The following UGT1A3 variants were observed in gnomAD, a reference collection of about 807,000 sequenced individuals.
UGT1A3 encodes UDP glucuronosyltransferase family 1 member A3.
In UGT1A3, 31 loss-of-function variants were observed where a neutral mutation model predicts 41.0. The observed-to-expected ratio is 0.76, with a 90% CI of 0.57 to 1.02. The LOEUF is 1.02. UGT1A3 is among the 50% of genes least tolerant of loss of function. UGT1A3 has a pLI of 0.00. For missense variants in UGT1A3, 737 were observed against 671.0 expected (o/e 1.10, Z -1.09); for synonymous variants, 262 against 257.6 (o/e 1.02, Z -0.17).
intron 1 of UGT1A3, among the ~76,000 whole-genome samples, chr2:233,744,817 A>G (rs1304703196): frequency 6.6e-6 from 1 of 151,914 alleles, no homozygotes; most frequent in East Asian, 1.9e-4. Flanking sequence ...TTCCTGGCTC[A>G]TACTTTGAGA....
intron 1 of UGT1A3, chr2:233,743,214 G>T (rs1433363859): frequency 4.9e-6 from 2 of 406,726 alleles, no homozygotes; most frequent in Non-Finnish European, 9.7e-6. Context: ...CGGAGTAACT[G>T]CTCTTTGCTA....
rs944669670 is a variant in UGT1A3 at position 233,769,377 on chromosome 2, C to T, written c.1307+938C>T. Reference sequence around the variant, plus strand: ...GTGGTGGCCAGTGGTAGATTTCATCCGACAATAGATACTGTGTGCATATGT... The same window carrying T: ...GTGGTGGCCAGTGGTAGATTTCATCTGACAATAGATACTGTGTGCATATGT... On this transcript the variant is annotated intron_variant, in intron 4 of 4. Transcript: ENST00000482026. The surrounding 1 kb of genome is among the most constrained non-coding windows in gnomAD (Gnocchi z 4.4). 6.6e-5 allele frequency among the ~76,000 whole-genome samples: 10 copies of T among 152,088 alleles called. No individual in the cohort carries two copies. The highest frequency in any genetic ancestry group is 1.0e-4 in the Non-Finnish European group (7 of 68,014).
At chr2:233,760,517 A>C in intron 1 of UGT1A3, 1 of 1,614,264 alleles carries the variant, frequency 6.2e-7, no homozygotes, top group Non-Finnish European at 8.5e-7. Context: ...TACACCTTGA[A>C]GACGTACCCT....
chr2:233,761,536 A>C (rs1039884807), intron 1 of UGT1A3, among the ~76,000 whole-genome samples: 1 of 152,248 alleles, frequency 6.6e-6, no homozygotes, highest in Non-Finnish European at 1.5e-5. Context: ...TGATGAAATC[A>C]TTCTTTGATG....
At chr2:233,760,776 C>T in intron 1 of UGT1A3, 1 of 1,613,940 alleles carries the variant, frequency 6.2e-7, no homozygotes, top group Non-Finnish European at 8.5e-7. Flanking sequence ...TGGCCCAGTA[C>T]CTGTCTCTGC....
In UGT1A3 at chr2:233,767,872, C is replaced by A. The variant is rs997427896; in HGVS notation, c.1023C>A (p.Thr341=). The A allele has an allele frequency of 6.2e-7, 1 of 1,614,024 alleles. No individual in the cohort carries two copies. The highest frequency in any genetic ancestry group is 8.5e-7 in the Non-Finnish European group (1 of 1,180,044). The change falls in exon 3 of 5, where the codon ACC becomes ACA. Residue 341 remains threonine (T), a synonymous_variant. Coordinates refer to ENST00000482026, the MANE Select transcript of UGT1A3 (RefSeq NM_019093.4). ...PQTVLWRYTG[T]RPSNLANNTI... is the part of the protein sequence containing the mutation. Reference sequence around the variant, plus strand: ...AGGTCCTGTGGCGGTACACTGGAACCCGACCATCGAATCTTGCGAACAACA... The same window carrying A: ...AGGTCCTGTGGCGGTACACTGGAACACGACCATCGAATCTTGCGAACAACA...
At position 233,764,014 on chromosome 2, in the gene UGT1A3, A is replaced by G. The variant is rs28900399; in HGVS notation, c.868-3020A>G. On this transcript the variant is annotated intron_variant, in intron 1 of 4. Transcript: ENST00000482026. ...GATGGTGAAGTCACAGATGACCCACATGGTGTCTAAGTGCTAAAGAAGAAT... is the reference window on the plus strand; with the variant it reads ...GATGGTGAAGTCACAGATGACCCACGTGGTGTCTAAGTGCTAAAGAAGAAT... Among the ~76,000 whole-genome samples the G allele has an allele frequency of 9.6e-3, 1,456 of 152,328 alleles. 29 individuals are homozygous for G. The highest frequency in any genetic ancestry group is 0.033 in the African/African-American group (1,365 of 41,562).
Position 233,754,885 on chromosome 2 carries a change from A to G in UGT1A3, c.868-12149A>G, listed in dbSNP as rs750655652. Reference sequence around the variant, plus strand: ...GACCCTCTGCTTCTGCTTCCCAGGGAGTTCCTCTGACCCCCCAAAATATTC... The same window carrying G: ...GACCCTCTGCTTCTGCTTCCCAGGGGGTTCCTCTGACCCCCCAAAATATTC... On this transcript the variant is annotated intron_variant, in intron 1 of 4. Coordinates refer to ENST00000482026, the MANE Select transcript of UGT1A3 (RefSeq NM_019093.4). The G allele has an allele frequency of 3.0e-6, 4 of 1,350,732 alleles. No individual in the cohort carries two copies. In the African/African-American group the frequency reaches 5.9e-5, roughly 20 times the overall value. 83.7% of individuals were successfully genotyped at this position (1,350,732 alleles called of 1,614,324 possible). A position where few individuals can be genotyped will look rare whatever the true frequency, so the allele number is the denominator to read the frequency against.
In UGT1A3 at chr2:233,768,348, G is replaced by T; in HGVS notation, c.1216G>T (p.Glu406Ter). 1 of 1,614,198 alleles carries T rather than the reference G, an allele frequency of 6.2e-7. No homozygotes were observed. Among genetic ancestry groups the T allele is most frequent in the Non-Finnish European group, 8.5e-7 (1 of 1,180,042 alleles). The change falls in exon 4 of 5, where the codon GAG becomes TAG. Residue 406 changes from glutamate to a stop codon, truncating the protein, a stop_gained. Coordinates refer to ENST00000482026, the MANE Select transcript of UGT1A3 (RefSeq NM_019093.4). LOFTEE classifies it high-confidence loss of function. The part of the protein sequence containing the change: ...GDQMDNAKRM[E>*]TKGAGVTLNV... ...TCAGATGGACAATGCAAAGCGCATG[G>T]AGACTAAGGGAGCTGGAGTGACCCT...
At chr2:233,731,004 T>C (rs2078096458) in intron 1 of UGT1A3, among the ~76,000 whole-genome samples, 1 of 152,244 alleles carries the variant, frequency 6.6e-6, no homozygotes, top group South Asian at 2.1e-4. Flanking sequence ...CTGTGCCATG[T>C]ACATCGTGAG....
intron 1 of UGT1A3, among the ~76,000 whole-genome samples, chr2:233,730,236 G>A (rs544044923): frequency 9.9e-4 from 150 of 152,270 alleles, no homozygotes; most frequent in African/African-American, 3.5e-3. Context: ...GGATGGACAA[G>A]GACTGGTGTG....
chr2:233,743,841 G>A (rs768671945), intron 1 of UGT1A3: 2 of 1,367,168 alleles, frequency 1.5e-6, no homozygotes, highest in Admixed American at 3.8e-5. Flanking sequence ...TTGAGCGCCA[G>A]CTTGCGGTAC....
At chr2:233,747,186 C>G (rs1693584588) in intron 1 of UGT1A3, 2 of 1,602,976 alleles carry the variant, frequency 1.2e-6, no homozygotes, top group Non-Finnish European at 1.7e-6. Flanking sequence ...GTGGGGTGGA[C>G]AGTCAGCTGT....
chr2:233,744,039 G>T, intron 1 of UGT1A3: 2 of 770,652 alleles, frequency 2.6e-6, no homozygotes, highest in Non-Finnish European at 3.6e-6. Context: ...TTATGACGCA[G>T]CCACATCTCA....
intron 1 of UGT1A3, among the ~76,000 whole-genome samples, chr2:233,738,179 C>T (rs577754213): frequency 2.6e-5 from 4 of 152,258 alleles, no homozygotes; most frequent in African/African-American, 4.8e-5. Context: ...TCATGTAAGA[C>T]GTGTCTTTGC....
At chr2:233,737,120 A>C (rs948512181) in intron 1 of UGT1A3, among the ~76,000 whole-genome samples, 9 of 152,336 alleles carry the variant, frequency 5.9e-5, no homozygotes, top group African/African-American at 2.2e-4. Flanking sequence ...CATGTTCAGA[A>C]GTTGTCTGCT....
At chr2:233,742,280 A>G (rs1486280024) in intron 1 of UGT1A3, among the ~76,000 whole-genome samples, 2 of 152,020 alleles carry the variant, frequency 1.3e-5, no homozygotes, top group Non-Finnish European at 2.9e-5. Flanking sequence ...GATAAGCATC[A>G]TTTCTATAGA....
chr2:233,739,520 T>C (rs1227951212), intron 1 of UGT1A3, among the ~76,000 whole-genome samples: 1 of 152,250 alleles, frequency 6.6e-6, no homozygotes, highest in Non-Finnish European at 1.5e-5. Flanking sequence ...AGACATGAAG[T>C]CAAGGGAGAT....
At chr2:233,748,319 T>C (rs554683228) in intron 1 of UGT1A3, among the ~76,000 whole-genome samples, 1 of 151,864 alleles carries the variant, frequency 6.6e-6, no homozygotes, top group South Asian at 2.1e-4. Flanking sequence ...GGACTAGGAC[T>C]GATGTGACTC....
Sources: allele counts gnomAD v4.1 joint callset (sites outside exome capture counted in the v4.1 genomes callset), GRCh38; gene constraint gnomAD v4.1.1; non-coding constraint Gnocchi (gnomAD v3.1); transcripts MANE v1.5; gene names NCBI Gene and HGNC (gene_info 2026-07-23, HGNC 2026-07-21).